ECHDC1: variants seen among roughly 807,000 people sequenced by gnomAD.
ECHDC1 encodes ethylmalonyl-CoA decarboxylase 1.
Under a neutral mutation model 29.7 loss-of-function variants are expected in ECHDC1, and 29 were observed. The observed-to-expected ratio is 0.98, with a 90% CI of 0.73 to 1.33. ECHDC1 has a LOEUF of 1.33. ECHDC1 is among the 40% of genes most tolerant of loss of function. The pLI, the probability that ECHDC1 is intolerant of heterozygous loss-of-function variation, is 0.00. For synonymous variants in ECHDC1, 126 were observed against 123.1 expected (o/e 1.02, Z -0.15); for missense variants, 328 against 350.0 (o/e 0.94, Z 0.50).
chr6:127,333,940 A>C (rs1784200500), intron 1 of ECHDC1, among the ~76,000 whole-genome samples: 1 of 151,722 alleles, frequency 6.6e-6, no homozygotes, highest in African/African-American at 2.4e-5. Context: ...ACGAAGATAA[A>C]CCCCATTTTC....
At chr6:127,339,148 C>G (rs1784690756) in intron 1 of ECHDC1, among the ~76,000 whole-genome samples, 1 of 151,806 alleles carries the variant, frequency 6.6e-6, no homozygotes. Flanking sequence ...TCAGTAGCCA[C>G]TAACAATAAT....
rs1201658123 is a variant in ECHDC1 at position 127,289,049 on chromosome 6, C to T, written c.*820G>A. The T allele has an allele frequency of 6.6e-6, 1 of 151,818 alleles. No homozygotes were observed. The highest frequency in any genetic ancestry group is 1.5e-5 in the Non-Finnish European group (1 of 67,926). The allele number at this position is 151,818 out of a possible 1,614,324, so 9.4% of individuals were successfully genotyped here. Reference sequence around the variant, plus strand: ...ATGTTGTGCATTTTTATTACATTTACTTTTGAAAGATAGTTGTTAGAAGGT... The same window carrying T: ...ATGTTGTGCATTTTTATTACATTTATTTTTGAAAGATAGTTGTTAGAAGGT... On this transcript the variant is annotated 3_prime_UTR_variant, in exon 6 of 6. Transcript: ENST00000454859.
intron 5 of ECHDC1, among the ~76,000 whole-genome samples, chr6:127,297,128 A>AG (rs1780671877): frequency 1.3e-5 from 2 of 152,260 alleles, no homozygotes. Context: ...GACAAGGCTA[A>AG]GTGAAACAGA....
At chr6:127,334,771 C>T (rs1256338489) in intron 1 of ECHDC1, among the ~76,000 whole-genome samples, 3 of 152,084 alleles carry the variant, frequency 2.0e-5, no homozygotes, top group Non-Finnish European at 4.4e-5. Flanking sequence ...AACTGAATTT[C>T]TATATTTCCA....
At chr6:127,324,418 G>C (rs1783116001) in intron 3 of ECHDC1, among the ~76,000 whole-genome samples, 1 of 152,126 alleles carries the variant, frequency 6.6e-6, no homozygotes, top group Non-Finnish European at 1.5e-5. Flanking sequence ...ATTTAGTTGA[G>C]TGGCAGGCCT....
intron 5 of ECHDC1, among the ~76,000 whole-genome samples, chr6:127,310,285 G>A (rs1719648782): frequency 6.6e-6 from 1 of 151,872 alleles, no homozygotes; most frequent in Admixed American, 6.6e-5. Flanking sequence ...TGAGGGGATG[G>A]AAACCCCATT....
chr6:127,326,488 C>T (rs1274522660), intron 3 of ECHDC1: 6 of 449,798 alleles, frequency 1.3e-5, no homozygotes, highest in Non-Finnish European at 1.9e-5. Context: ...AGCAATAAAT[C>T]TATGTACCAT....
chr6:127,295,530 AATTTATGCATC>A (rs1562304688), intron 5 of ECHDC1, among the ~76,000 whole-genome samples: 1 of 152,220 alleles, frequency 6.6e-6, no homozygotes, highest in African/African-American at 2.4e-5. Context: ...AACATATGAA[AATTTATGCATC>A]ACCAAAAATC....
chr6:127,329,370 A>AAG (rs1554246145), intron 2 of ECHDC1, among the ~76,000 whole-genome samples: 1 of 69,046 alleles, frequency 1.4e-5, no homozygotes, highest in Non-Finnish European at 3.4e-5. Context: ...GCATCAAAAT[A>AAG]ATATGTTTCT....
chr6:127,303,061 A>G (rs2114581317), intron 5 of ECHDC1, among the ~76,000 whole-genome samples: 1 of 152,236 alleles, frequency 6.6e-6, no homozygotes, highest in South Asian at 2.1e-4. Context: ...AAACTAGAAA[A>G]TCTCTATTTG....
At chr6:127,300,574 CT>C (rs945999123) in intron 5 of ECHDC1, among the ~76,000 whole-genome samples, 23 of 152,162 alleles carry the variant, frequency 1.5e-4, no homozygotes, top group Admixed American at 9.8e-4. Context: ...CTCACCACTG[CT>C]GGAGGAGCCA....
chr6:127,303,365 T>C (rs1781199719), intron 5 of ECHDC1, among the ~76,000 whole-genome samples: 1 of 152,152 alleles, frequency 6.6e-6, no homozygotes, highest in South Asian at 2.1e-4. Context: ...TGAAGGAAAT[T>C]CAAAGTGCTA....
At chr6:127,291,292 T>C (rs1780157888) in intron 5 of ECHDC1, among the ~76,000 whole-genome samples, 1 of 151,462 alleles carries the variant, frequency 6.6e-6, no homozygotes, top group African/African-American at 2.4e-5. Flanking sequence ...TTTTTTTTTT[T>C]TTTAAGGAAC....
intron 1 of ECHDC1, chr6:127,342,507 C>T: frequency 1.3e-6 from 1 of 760,998 alleles, no homozygotes; most frequent in Non-Finnish European, 2.0e-6. Context: ...TGCGCTGCTC[C>T]CTCCCCTCGT....
intron 1 of ECHDC1, among the ~76,000 whole-genome samples, chr6:127,334,728 C>T (rs932722156): frequency 1.3e-5 from 2 of 152,140 alleles, no homozygotes; most frequent in Non-Finnish European, 2.9e-5. Flanking sequence ...TTTCCTCCCT[C>T]ATTAACCTGG....
chr6:127,301,991 A>G (rs1194064764), intron 5 of ECHDC1, among the ~76,000 whole-genome samples: 1 of 152,200 alleles, frequency 6.6e-6, no homozygotes, highest in East Asian at 1.9e-4. Context: ...TTTTCATCAG[A>G]AGCTTCTCAA....
chr6:127,317,812 T>TG (rs1782518669), intron 3 of ECHDC1: 1 of 152,158 alleles, frequency 6.6e-6, no homozygotes, highest in African/African-American at 2.4e-5. Flanking sequence ...TTCTTTTATA[T>TG]TTTTGCTGCT....
At chr6:127,311,312 C>T (rs953435076) in intron 5 of ECHDC1, among the ~76,000 whole-genome samples, 2 of 152,164 alleles carry the variant, frequency 1.3e-5, no homozygotes, top group African/African-American at 2.4e-5. Context: ...CTAGAATCTA[C>T]TTTGAACAAG....
chr6:127,317,205 C>G (rs1202471437), intron 3 of ECHDC1, among the ~76,000 whole-genome samples: 1 of 151,912 alleles, frequency 6.6e-6, no homozygotes, highest in Admixed American at 6.6e-5. Flanking sequence ...ATTTACACAC[C>G]TGGTTCTCTT....
Sources: gnomAD v4.1 joint callset for allele counts (sites outside exome capture counted in the v4.1 genomes callset) on GRCh38, gnomAD v4.1.1 for gene constraint, MANE v1.5 for transcripts, NCBI Gene and HGNC (gene_info 2026-07-23, HGNC 2026-07-21) for gene names.